TCERG1L: variants seen among roughly 807,000 people sequenced by gnomAD.
The protein encoded by TCERG1L is transcription elongation regulator 1-like protein.
In TCERG1L, 37 loss-of-function variants were observed where a neutral mutation model predicts 56.3. The observed-to-expected ratio is 0.66, with a 90% CI of 0.51 to 0.87. TCERG1L has a LOEUF of 0.87. Ranked by LOEUF, TCERG1L falls within the 40% of genes least tolerant of loss-of-function variation. The probability of loss-of-function intolerance (pLI) is 0.00; values close to 1 mark genes in which losing one functional copy is unlikely to be tolerated. For synonymous variants in TCERG1L, 324 were observed against 326.3 expected (o/e 0.99, Z 0.08); for missense variants, 799 against 774.2 (o/e 1.03, Z -0.38).
intron 4 of TCERG1L, among the ~76,000 whole-genome samples, chr10:131,183,683 C>T (rs916514939): frequency 2.0e-5 from 3 of 152,176 alleles, no homozygotes; most frequent in Admixed American, 1.3e-4. Context: ...ACCCATGCCC[C>T]GCCACTGACT....
chr10:131,168,026 G>A (rs1471641296), intron 4 of TCERG1L, among the ~76,000 whole-genome samples: 1 of 152,194 alleles, frequency 6.6e-6, no homozygotes, highest in Non-Finnish European at 1.5e-5. Context: ...CAGGACCCTT[G>A]GGAAGCAGAG....
At position 131,267,489 on chromosome 10, in the gene TCERG1L, T is replaced by C. The variant is rs1589767054; in HGVS notation, c.671-7045A>G. Among the ~76,000 whole-genome samples, 1 of 152,228 alleles carries C rather than the reference T, an allele frequency of 6.6e-6. No individual in the cohort carries two copies. Among genetic ancestry groups the C allele is most frequent in the Non-Finnish European group, 1.5e-5 (1 of 68,032 alleles). ...CCAACTTGAGGGGGGTCATGGCTCC[T>C]GCCTGTCCCAGCTCTGCAAAGTGAG... On this transcript the variant is annotated intron_variant, in intron 3 of 11. Coordinates refer to ENST00000368642, the MANE Select transcript of TCERG1L (RefSeq NM_174937.4). The surrounding 1 kb of genome is among the most constrained non-coding windows in gnomAD (Gnocchi z 4.9).
chr10:131,248,109 TAC>T (rs1177535779), intron 4 of TCERG1L, among the ~76,000 whole-genome samples: 4 of 151,268 alleles, frequency 2.6e-5, no homozygotes, highest in African/African-American at 4.9e-5. Flanking sequence ...ACACACATGA[TAC>T]ACACACTGGT....
At chr10:131,104,499 T>C (rs1845331728) in intron 9 of TCERG1L, 145 bp from the exon 10 acceptor site, 5 of 562,812 alleles carry the variant, frequency 8.9e-6, no homozygotes, top group Admixed American at 3.0e-5. Context: ...GCAGTATAAG[T>C]GTTAGACATG....
chr10:131,222,469 A>G (rs969200485), intron 4 of TCERG1L, among the ~76,000 whole-genome samples: 4 of 152,254 alleles, frequency 2.6e-5, no homozygotes, highest in Non-Finnish European at 5.9e-5. Context: ...GTGAAACTCA[A>G]TGAAATTTCT....
At chr10:131,271,138 TTCCAGAACCTGCC>T (rs71828303) in intron 3 of TCERG1L, among the ~76,000 whole-genome samples, 46,115 of 148,874 alleles carry the variant, frequency 0.31, 8,130 homozygotes, top group East Asian at 0.51. Flanking sequence ...GTTGAGATGC[TTCCAGAACCTGCC>T]TCCAGAACCT....
chr10:131,222,664 C>T (rs557300105), intron 4 of TCERG1L, among the ~76,000 whole-genome samples: 4 of 152,328 alleles, frequency 2.6e-5, no homozygotes, highest in Admixed American at 6.5e-5. Flanking sequence ...ATGGCCGAGC[C>T]TTTCGGGATC....
intron 4 of TCERG1L, among the ~76,000 whole-genome samples, chr10:131,181,029 G>A (rs902039075): frequency 1.4e-4 from 21 of 152,174 alleles, no homozygotes; most frequent in African/African-American, 5.1e-4. Flanking sequence ...TCATGACCAG[G>A]GAGTTTTAAG....
Position 131,137,804 on chromosome 10 carries a change from C to T in TCERG1L, c.1190-3356G>A, listed in dbSNP as rs1845692488. Among the ~76,000 whole-genome samples the T allele has an allele frequency of 2.0e-5, 3 of 152,156 alleles. No homozygotes were observed. The South Asian group carries it at 6.2e-4, about 32-fold the overall frequency. On this transcript the variant is annotated intron_variant, in intron 7 of 11. Transcript: ENST00000368642. Reference sequence around the variant, plus strand: ...TAAACAAAAATATGTATAAATTTAACAGACTTAGAGAATACAAAACCAGAG... The same window carrying T: ...TAAACAAAAATATGTATAAATTTAATAGACTTAGAGAATACAAAACCAGAG...
intron 9 of TCERG1L, among the ~76,000 whole-genome samples, chr10:131,106,351 G>GCAAAGAC (rs1277173701): frequency 6.6e-6 from 1 of 152,210 alleles, no homozygotes; most frequent in Non-Finnish European, 1.5e-5. Context: ...GTGGGACCCA[G>GCAAAGAC]CAAAGACCCA....
intron 3 of TCERG1L, among the ~76,000 whole-genome samples, chr10:131,296,644 T>C (rs1846693736): frequency 6.6e-6 from 1 of 152,234 alleles, no homozygotes; most frequent in African/African-American, 2.4e-5. Flanking sequence ...TGCATGGGCT[T>C]GTCAATTTAC....
At chr10:131,247,572 A>G (rs1846053057) in intron 4 of TCERG1L, among the ~76,000 whole-genome samples, 1 of 149,564 alleles carries the variant, frequency 6.7e-6, no homozygotes, top group Non-Finnish European at 1.5e-5. Flanking sequence ...AGGAGTTATC[A>G]GATGGTGAGA....
chr10:131,278,638 C>T (rs1564832129), intron 3 of TCERG1L, among the ~76,000 whole-genome samples: 1 of 152,186 alleles, frequency 6.6e-6, no homozygotes, highest in Non-Finnish European at 1.5e-5. Flanking sequence ...CCACCGCACC[C>T]AGCCCACATC....
At chr10:131,218,976 C>T (rs1845702595) in intron 4 of TCERG1L, among the ~76,000 whole-genome samples, 1 of 152,286 alleles carries the variant, frequency 6.6e-6, no homozygotes, top group South Asian at 2.1e-4. Context: ...CCTGCCTTAG[C>T]CAGGGCACCA....
At chr10:131,259,410 G>C (rs1846209886) in intron 4 of TCERG1L, among the ~76,000 whole-genome samples, 1 of 152,110 alleles carries the variant, frequency 6.6e-6, no homozygotes, top group Admixed American at 6.5e-5. Flanking sequence ...CAAAATAACA[G>C]AGTAAATCCT....
In TCERG1L at chr10:131,168,559, C is replaced by G. The variant is rs530584434; in HGVS notation, c.857-1674G>C. Among the ~76,000 whole-genome samples the G allele has an allele frequency of 1.9e-3, 283 of 152,344 alleles. 3 individuals are homozygous for G. Among genetic ancestry groups the G allele is most frequent in the Non-Finnish European group, 2.4e-4 (16 of 68,030 alleles). On this transcript the variant is annotated intron_variant, in intron 4 of 11. Coordinates refer to ENST00000368642, the MANE Select transcript of TCERG1L (RefSeq NM_174937.4). Reference sequence around the variant, plus strand: ...CCCAGACGTGAGCCGGAGGCCCCATCCCCGGAGGTGCTGAGTTCGGATGAG... The same window carrying G: ...CCCAGACGTGAGCCGGAGGCCCCATGCCCGGAGGTGCTGAGTTCGGATGAG...
chr10:131,134,480 TTG>T, intron 7 of TCERG1L, 32 bp from the exon 8 acceptor site: 1 of 1,560,070 alleles, frequency 6.4e-7, no homozygotes, highest in Non-Finnish European at 8.7e-7. Flanking sequence ...AGGGTTAGAG[TTG>T]TCAGAGCTCA....
Position 131,311,315 on chromosome 10 carries a change from G to C in TCERG1L, c.321C>G (p.Pro107=), listed in dbSNP as rs1198752607. The change falls in exon 1 of 12, where the codon CCC becomes CCG. Residue 107 remains proline, a synonymous_variant. Coordinates refer to ENST00000368642, the MANE Select transcript of TCERG1L (RefSeq NM_174937.4). The surrounding 1 kb of genome is among the most constrained non-coding windows in gnomAD (Gnocchi z 4.0). ...PDSAAAAAAH[P]FPALHGQWLF... The stretch of plus-strand genomic sequence containing the variant: ...TTACCTGCCCGTGGAGCGCGGGGAA[G>C]GGGTGCGCGGCGGCGGCGGCGGCGG... 2 of 1,207,392 alleles carry C rather than the reference G, an allele frequency of 1.7e-6. No individual in the cohort carries two copies. The highest frequency in any genetic ancestry group is 3.2e-5 in the African/African-American group (2 of 63,200). The allele number at this position is 1,207,392 out of a possible 1,614,324, so 74.8% of individuals were successfully genotyped here.
intron 4 of TCERG1L, among the ~76,000 whole-genome samples, chr10:131,189,783 T>C (rs904326735): frequency 6.6e-6 from 1 of 152,216 alleles, no homozygotes; most frequent in African/African-American, 2.4e-5. Context: ...TGTACTAATT[T>C]ACATTCCCAC....
Sources: gnomAD v4.1 joint callset for allele counts (sites outside exome capture counted in the v4.1 genomes callset) on GRCh38, gnomAD v4.1.1 for gene constraint, Gnocchi (gnomAD v3.1) non-coding constraint, MANE v1.5 for transcripts, NCBI Gene and HGNC (gene_info 2026-07-23, HGNC 2026-07-21) for gene names.